ANKRD17: variants seen among roughly 807,000 people sequenced by gnomAD.
The protein encoded by ANKRD17 is ankyrin repeat domain 17.
A neutral mutation model predicts 229.7 loss-of-function variants in ANKRD17; 19 were observed. The ratio of observed to expected loss-of-function variants is 0.08; its 90% CI spans 0.06 to 0.12. The LOEUF (loss-of-function observed/expected upper bound fraction) is 0.12. Ranked by LOEUF, ANKRD17 falls within the 10% of genes least tolerant of loss-of-function variation. ANKRD17 has a pLI of 1.00. For synonymous variants in ANKRD17, 1,112 were observed against 1,146.1 expected (o/e 0.97, Z 0.60); for missense variants, 2,176 against 3,176.8 (o/e 0.68, Z 7.57).
chr4:73,142,630 A>T lies in ANKRD17; in HGVS notation c.2085+10T>A, dbSNP rs768185766. On this transcript the variant is annotated intron_variant, in intron 12 of 33. Transcript: ENST00000358602. The stretch of plus-strand genomic sequence containing the variant: ...ATTCACAATTCTGCACAAACATTTG[A>T]GTTACATACTTTCAAACGGTGAGTA... The T allele has an allele frequency of 5.6e-6, 9 of 1,613,912 alleles. No individual in the cohort carries two copies. The highest frequency in any genetic ancestry group is 6.8e-6 in the Non-Finnish European group (8 of 1,179,892).
In ANKRD17 at chr4:73,157,861, G is replaced by A. The variant is rs949755209; in HGVS notation, c.705-1695C>T. The stretch of plus-strand genomic sequence containing the variant: ...TCCCAGCACTTTGGGAGGCCGAGGC[G>A]GGCGGATCATGAGGTCAGGAGATCG... On this transcript the variant is annotated intron_variant, in intron 3 of 33. Transcript: ENST00000358602. Among the ~76,000 whole-genome samples, 6 of 152,182 alleles carry A rather than the reference G, an allele frequency of 3.9e-5. No homozygotes were observed. The South Asian group carries it at 1.2e-3, about 32-fold the overall frequency.
intron 12 of ANKRD17, 101 bp downstream of exon 12, chr4:73,142,539 T>C (rs1484726346): frequency 6.3e-7 from 1 of 1,591,350 alleles, no homozygotes; most frequent in Non-Finnish European, 8.6e-7. Context: ...AATTTACACT[T>C]AGAATGCCAT....
intron 24 of ANKRD17, among the ~76,000 whole-genome samples, chr4:73,111,340 C>G (rs2148652302): frequency 6.6e-6 from 1 of 152,320 alleles, no homozygotes; most frequent in African/African-American, 2.4e-5. Context: ...GATACCTCAA[C>G]AGTCAATCTG....
At chr4:73,247,365 C>T (rs1744592320) in intron 1 of ANKRD17, among the ~76,000 whole-genome samples, 1 of 152,000 alleles carries the variant, frequency 6.6e-6, no homozygotes, top group Non-Finnish European at 1.5e-5. Flanking sequence ...AATTCCATTT[C>T]CAGGAATCCA....
chr4:73,115,996 T>G (rs1459622974), intron 22 of ANKRD17, 80 bp from the exon 23 acceptor site: 1 of 1,185,386 alleles, frequency 8.4e-7, no homozygotes, highest in Admixed American at 1.7e-5. Context: ...ACTTTAACAG[T>G]TAAGATTAGG....
At chr4:73,096,752 T>C (rs553313087) in intron 27 of ANKRD17, among the ~76,000 whole-genome samples, 1 of 152,346 alleles carries the variant, frequency 6.6e-6, no homozygotes, top group South Asian at 2.1e-4. Context: ...TCTTATGATT[T>C]AAAGACAACA....
At chr4:73,210,896 T>G (rs530123382) in intron 1 of ANKRD17, among the ~76,000 whole-genome samples, 1 of 152,120 alleles carries the variant, frequency 6.6e-6, no homozygotes, top group African/African-American at 2.4e-5. Flanking sequence ...GCTAGTTAAC[T>G]GAATCTAAGT....
intron 1 of ANKRD17, among the ~76,000 whole-genome samples, chr4:73,198,734 A>AT (rs1243578274): frequency 6.6e-6 from 1 of 152,194 alleles, no homozygotes; most frequent in Non-Finnish European, 1.5e-5. Flanking sequence ...AATTATAAAT[A>AT]TTCCTTTCAC....
Position 73,224,733 on chromosome 4 carries a change from A to T in ANKRD17, c.393+33543T>A, listed in dbSNP as rs541765333. On this transcript the variant is annotated intron_variant, in intron 1 of 33. Coordinates refer to ENST00000358602, the MANE Select transcript of ANKRD17 (RefSeq NM_032217.5). ...TATTATTATTATCCCCATTTTACGTATGTGGAAATGGGACAAAAAGAGGTT... is the reference window on the plus strand; with the variant it reads ...TATTATTATTATCCCCATTTTACGTTTGTGGAAATGGGACAAAAAGAGGTT... 7.2e-5 allele frequency among the ~76,000 whole-genome samples: 11 copies of T among 152,298 alleles called. No individual in the cohort carries two copies. In the East Asian group the frequency reaches 1.2e-3, roughly 16 times the overall value.
At chr4:73,173,746 C>T (rs10035001) in intron 2 of ANKRD17, among the ~76,000 whole-genome samples, 96,636 of 151,778 alleles carry the variant, frequency 0.64, 32,206 homozygotes, top group African/African-American at 0.84. Context: ...AAAATGAATA[C>T]AGGGAGCCAC....
intron 1 of ANKRD17, among the ~76,000 whole-genome samples, chr4:73,183,699 G>A (rs1735891657): frequency 6.6e-6 from 1 of 152,088 alleles, no homozygotes; most frequent in Admixed American, 6.6e-5. Flanking sequence ...TGTGTATTTT[G>A]GTAGAGGTGA....
chr4:73,228,606 C>T (rs1244578351), intron 1 of ANKRD17, among the ~76,000 whole-genome samples: 2 of 152,116 alleles, frequency 1.3e-5, no homozygotes, highest in African/African-American at 4.8e-5. Context: ...ATTTTTTATA[C>T]AGATGGATAC....
intron 15 of ANKRD17, among the ~76,000 whole-genome samples, chr4:73,137,136 C>A (rs1297720299): frequency 6.6e-6 from 1 of 151,936 alleles, no homozygotes; most frequent in Admixed American, 6.6e-5. Context: ...CCATTCTCTA[C>A]AACTAAAAGA....
At position 73,098,083 on chromosome 4, in the gene ANKRD17, C is replaced by G; in HGVS notation, c.5011G>C (p.Ala1671Pro). ...AAAATTGGAACTAACTTTATTGAAG[C>G]CTTGCCAGAAACAGATTTTCTCTCT... is the stretch of plus-strand genomic sequence containing the variant. ...KEERKSVSGK[A>P]SIKLSETISE... is the part of the protein sequence containing the mutation. The change falls in exon 26 of 34, where the codon GCT (alanine) becomes CCT (proline). Residue 1671 changes from alanine (A) to proline (P), a missense_variant. Physicochemically the swap from Ala to Pro is conservative, Grantham distance 27. Around this residue, in one of 18 missense-constraint regions of ANKRD17, gnomAD observed 98 missense variants for 101.0 expected, o/e 0.97. Coordinates refer to ENST00000358602, the MANE Select transcript of ANKRD17 (RefSeq NM_032217.5). 1 of 1,596,608 alleles carries G rather than the reference C, an allele frequency of 6.3e-7. No individual in the cohort carries two copies. Among genetic ancestry groups the G allele is most frequent in the Non-Finnish European group, 8.6e-7 (1 of 1,168,774 alleles).
At chr4:73,094,008 C>T (rs1723047983) in intron 28 of ANKRD17, 71 bp downstream of exon 28, 1 of 1,443,180 alleles carries the variant, frequency 6.9e-7, no homozygotes, top group East Asian at 2.3e-5. Flanking sequence ...ACTGAAAACT[C>T]ATATGGCTGT....
At position 73,155,678 on chromosome 4, in the gene ANKRD17, T is replaced by G. The variant is rs1731569375; in HGVS notation, c.953A>C (p.Lys318Thr). 7 of 1,614,142 alleles carry G rather than the reference T, an allele frequency of 4.3e-6. No individual in the cohort carries two copies. The East Asian group carries it at 1.6e-4, about 36-fold the overall frequency. The change falls in exon 5 of 34, where the codon AAG becomes ACG. Residue 318 changes from lysine to threonine, a missense_variant. This residue lies in a region of ANKRD17 where 184 missense variants were observed against 357.8 expected (regional missense o/e 0.51). Coordinates refer to ENST00000358602, the MANE Select transcript of ANKRD17 (RefSeq NM_032217.5). ...AANGGHVKIV[K>T]LLLAHKADVN... ...ATCTGCTTTATGAGCTAGCAGCAACTTCACAATTTTGACATGTCCTCCATT... is the reference window on the plus strand; with the variant it reads ...ATCTGCTTTATGAGCTAGCAGCAACGTCACAATTTTGACATGTCCTCCATT...
chr4:73,158,337 C>T (rs1050352197), intron 3 of ANKRD17, among the ~76,000 whole-genome samples: 1 of 152,180 alleles, frequency 6.6e-6, no homozygotes, highest in Non-Finnish European at 1.5e-5. Flanking sequence ...TTTTACTTCT[C>T]TGGCTTTATC....
chr4:73,209,565 C>T (rs1739976098), intron 1 of ANKRD17, among the ~76,000 whole-genome samples: 1 of 152,112 alleles, frequency 6.6e-6, no homozygotes, highest in South Asian at 2.1e-4. Context: ...ATGCAATCGA[C>T]CCAAACTTTC....
chr4:73,196,606 C>T (rs945267528), intron 1 of ANKRD17, among the ~76,000 whole-genome samples: 2 of 152,096 alleles, frequency 1.3e-5, no homozygotes, highest in African/African-American at 4.8e-5. Context: ...ATCTAGTGTT[C>T]TAATGTTACT....
Sources: allele counts gnomAD v4.1 joint callset (sites outside exome capture counted in the v4.1 genomes callset), GRCh38; gene constraint gnomAD v4.1.1; regional missense constraint gnomAD v4.1.1; transcripts MANE v1.5; gene names NCBI Gene and HGNC (gene_info 2026-07-23, HGNC 2026-07-21).